The following KDM4B variants were observed in gnomAD, a reference collection of about 807,000 sequenced individuals.
KDM4B encodes lysine-specific demethylase 4B.
KDM4B carries 32 observed loss-of-function variants against 125.2 expected under a neutral mutation model. The observed-to-expected ratio is 0.26, with a 90% CI of 0.19 to 0.34. KDM4B has a LOEUF of 0.34. KDM4B is among the 10% of genes least tolerant of loss of function. The pLI, the probability that KDM4B is intolerant of heterozygous loss-of-function variation, is 1.00. For missense variants in KDM4B, 1,190 were observed against 1,577.7 expected, an observed-to-expected ratio of 0.75 and a Z score of 4.16; for synonymous variants, 721 against 677.9, an observed-to-expected ratio of 1.06 and a Z score of -0.99.
At chr19:5,124,278 G>A (rs1211346106) in intron 11 of KDM4B, among the ~76,000 whole-genome samples, 1 of 147,194 alleles carries the variant, frequency 6.8e-6, no homozygotes, top group Non-Finnish European at 1.5e-5. Flanking sequence ...AAGAGGACAC[G>A]CATCCTCCCC....
chr19:4,990,822 T>A lies in KDM4B; in HGVS notation c.-109+21592T>A, dbSNP rs185583116. Among the ~76,000 whole-genome samples the A allele has an allele frequency of 4.5e-3, 683 of 152,168 alleles. 28 individuals carry two copies. The South Asian group carries it at 0.065, about 15-fold the overall frequency. On this transcript the variant is annotated intron_variant, in intron 1 of 22. Coordinates refer to ENST00000159111, the MANE Select transcript of KDM4B (RefSeq NM_015015.3). ...TGTTGGTTCCCTTTATTATTTTTTTTAAAAAACTTTATTATGGGCCGGGTA... is the reference window on the plus strand; with the variant it reads ...TGTTGGTTCCCTTTATTATTTTTTTAAAAAAACTTTATTATGGGCCGGGTA...
chr19:4,977,748 C>T (rs547227126), intron 1 of KDM4B, among the ~76,000 whole-genome samples: 60 of 152,286 alleles, frequency 3.9e-4, no homozygotes, highest in African/African-American at 1.3e-3. Flanking sequence ...TGGAAATGGG[C>T]TGTGCCCTCA....
intron 10 of KDM4B, among the ~76,000 whole-genome samples, chr19:5,116,521 T>C (rs749287331): frequency 6.6e-6 from 1 of 152,140 alleles, no homozygotes; most frequent in Non-Finnish European, 1.5e-5. Flanking sequence ...GAGAAAGCCA[T>C]GGGGTTGAGG....
At chr19:5,046,563 T>A in intron 5 of KDM4B, among the ~76,000 whole-genome samples, 1 of 152,220 alleles carries the variant, frequency 6.6e-6, no homozygotes, top group East Asian at 1.9e-4. Context: ...TCTCGGCCTC[T>A]CAGCAGGCCA....
intron 9 of KDM4B, among the ~76,000 whole-genome samples, chr19:5,099,467 G>A (rs2038890393): frequency 1.3e-5 from 2 of 152,228 alleles, no homozygotes; most frequent in Non-Finnish European, 2.9e-5. Flanking sequence ...AAGATTTACA[G>A]TAAGTACCTG....
In KDM4B at chr19:5,091,709, CA is replaced by C. The variant is rs2038708414; in HGVS notation, c.918+9206del. 2.1e-5 allele frequency among the ~76,000 whole-genome samples: 3 copies of C among 146,062 alleles called. No individual in the cohort carries two copies. The South Asian group carries it at 6.5e-4, about 32-fold the overall frequency. On this transcript the variant is annotated intron_variant, in intron 9 of 22. Transcript: ENST00000159111. Reference sequence around the variant, plus strand: ...TGCTCCAGGTGATTAACCCGGAGCCCAGGGGGAGGGAGCCCAGGGGGAGGCG... The same window carrying C: ...TGCTCCAGGTGATTAACCCGGAGCCCGGGGGAGGGAGCCCAGGGGGAGGCG...
chr19:5,065,186 C>T (rs1359710222), intron 6 of KDM4B, among the ~76,000 whole-genome samples: 2 of 152,208 alleles, frequency 1.3e-5, no homozygotes, highest in Admixed American at 6.5e-5. Flanking sequence ...GTGGGGGCCA[C>T]GCTTTCATGG....
At chr19:4,995,885 T>A (rs1467622546) in intron 1 of KDM4B, among the ~76,000 whole-genome samples, 1 of 152,254 alleles carries the variant, frequency 6.6e-6, no homozygotes, top group Non-Finnish European at 1.5e-5. Context: ...CGCCGCGGTG[T>A]CACGCGTAGA....
At chr19:5,125,879 T>TTCCCGGGAGCCCGAAG (rs1182425426) in intron 11 of KDM4B, among the ~76,000 whole-genome samples, 1 of 151,626 alleles carries the variant, frequency 6.6e-6, no homozygotes, top group African/African-American at 2.4e-5. Flanking sequence ...CACAGCCGTT[T>TTCCCGGGAGCCCGAAG]TCCCGGGAGC....
intron 9 of KDM4B, among the ~76,000 whole-genome samples, chr19:5,088,741 CA>C (rs2038592475): frequency 1.4e-5 from 2 of 142,760 alleles, no homozygotes; most frequent in African/African-American, 5.2e-5. Context: ...CCTCAAGAGG[CA>C]GAGGAGCAGG....
chr19:5,107,744 G>T (rs780594866), intron 9 of KDM4B, among the ~76,000 whole-genome samples: 8 of 152,208 alleles, frequency 5.3e-5, no homozygotes, highest in African/African-American at 9.7e-5. Flanking sequence ...TGCTGCTAAG[G>T]GGAGCTGGGT....
chr19:5,120,377 C>T (rs544722939), intron 11 of KDM4B, among the ~76,000 whole-genome samples: 2 of 152,312 alleles, frequency 1.3e-5, no homozygotes, highest in Admixed American at 6.5e-5. Context: ...GATGCTGGAA[C>T]GTGCCTGCAG....
intron 8 of KDM4B, 72 bp downstream of exon 8, chr19:5,077,542 AC>A: frequency 1.6e-6 from 2 of 1,253,500 alleles, no homozygotes; most frequent in Non-Finnish European, 2.3e-6. Flanking sequence ...GGCCGCACAT[AC>A]CCCAGGAGAT....
intron 2 of KDM4B, among the ~76,000 whole-genome samples, chr19:5,024,907 C>T (rs2036232113): frequency 6.6e-6 from 1 of 152,204 alleles, no homozygotes; most frequent in Admixed American, 6.5e-5. Flanking sequence ...GAGATCGCGC[C>T]ACTGCACTTC....
intron 9 of KDM4B, among the ~76,000 whole-genome samples, chr19:5,101,330 C>T (rs144678074): frequency 6.3e-4 from 94 of 149,308 alleles, no homozygotes; most frequent in African/African-American, 2.0e-3. Flanking sequence ...AGGCCCATCT[C>T]TCTGATGCTT....
rs376827867 is a variant in KDM4B at position 5,035,863 on chromosome 19, C to CTGTGTGTGTG, written c.141+2841_141+2850dup. On this transcript the variant is annotated intron_variant, in intron 3 of 22. Transcript: ENST00000159111. This position sits in a 1 kb window ranked among gnomAD's most constrained non-coding sequence, Gnocchi z 5.3. ...GGAGGGGCTGTGTGTGCACGTGTCT[C>CTGTGTGTGTG]TGTGTGTGTGTGTGTGTGCGCGCGC... Among the ~76,000 whole-genome samples the CTGTGTGTGTG allele has an allele frequency of 0.045, 6,444 of 142,198 alleles. 187 individuals are homozygous for CTGTGTGTGTG. The highest frequency in any genetic ancestry group is 0.063 in the Non-Finnish European group (4,052 of 64,758). 93.3% of individuals were successfully genotyped at this position (142,198 alleles called of 152,430 possible).
Position 5,082,989 on chromosome 19 carries a change from C to T in KDM4B, c.918+485C>T, listed in dbSNP as rs1047862668. The stretch of plus-strand genomic sequence containing the variant: ...ATCTGCCCCCCTCCCTCCCTGCTCC[C>T]CTGTCAGTGGCAGTCCCCCAGCTCC... On this transcript the variant is annotated intron_variant, in intron 9 of 22. Coordinates refer to ENST00000159111, the MANE Select transcript of KDM4B (RefSeq NM_015015.3). The surrounding 1 kb of genome is among the most constrained non-coding windows in gnomAD (Gnocchi z 5.4). Among the ~76,000 whole-genome samples, 4 of 152,266 alleles carry T rather than the reference C, an allele frequency of 2.6e-5. No homozygotes were observed. The highest frequency in any genetic ancestry group is 9.6e-5 in the African/African-American group (4 of 41,560).
intron 6 of KDM4B, among the ~76,000 whole-genome samples, chr19:5,070,189 G>A (rs767667737): frequency 3.3e-5 from 5 of 152,124 alleles, no homozygotes; most frequent in Non-Finnish European, 5.9e-5. Context: ...CGTCCCCTTC[G>A]CTTGGAAATT....
chr19:5,024,386 G>A (rs1446937135), intron 2 of KDM4B, among the ~76,000 whole-genome samples: 1 of 152,160 alleles, frequency 6.6e-6, no homozygotes, highest in Non-Finnish European at 1.5e-5. Context: ...GAGTGAGGGT[G>A]GCAGCCCGGG....
Sources: allele counts gnomAD v4.1 joint callset (sites outside exome capture counted in the v4.1 genomes callset), GRCh38; gene constraint gnomAD v4.1.1; non-coding constraint Gnocchi (gnomAD v3.1); transcripts MANE v1.5; gene names NCBI Gene and HGNC (gene_info 2026-07-23, HGNC 2026-07-21).